Variants in LPP observed in about 807,000 individuals in gnomAD.
LPP encodes lipoma-preferred partner.
LPP carries 38 observed loss-of-function variants against 60.4 expected under a neutral mutation model. The ratio of observed to expected loss-of-function variants is 0.63; its 90% CI spans 0.49 to 0.83. The LOEUF is 0.83. Ranked by LOEUF, LPP falls within the 40% of genes least tolerant of loss-of-function variation. The probability of loss-of-function intolerance (pLI) is 0.00; values close to 1 mark genes in which losing one functional copy is unlikely to be tolerated. For synonymous variants in LPP, 328 were observed against 290.8 expected, an observed-to-expected ratio of 1.13 and a Z score of -1.30; for missense variants, 902 against 783.6, an observed-to-expected ratio of 1.15 and a Z score of -1.80.
At chr3:188,828,950 A>G (rs1421839741) in intron 9 of LPP, among the ~76,000 whole-genome samples, 1 of 152,132 alleles carries the variant, frequency 6.6e-6, no homozygotes, top group Non-Finnish European at 1.5e-5. Context: ...TGCCTCTAGT[A>G]TTACATGCTT....
chr3:188,302,675 C>T (rs1287155205), intron 2 of LPP, among the ~76,000 whole-genome samples: 1 of 152,194 alleles, frequency 6.6e-6, no homozygotes, highest in South Asian at 2.1e-4. Flanking sequence ...AGCAAACAAA[C>T]CAATGAAATG....
In LPP at chr3:188,882,579, A is replaced by G; in HGVS notation, c.*8100A>G. ...TTATTGATCCACAGCTACATCTTCT[A>G]TTCTTGCAGCAAGGGTACATGTCCT... On this transcript the variant is annotated 3_prime_UTR_variant, in exon 12 of 12. Coordinates refer to ENST00000617246, the MANE Select transcript of LPP (RefSeq NM_001375462.1). 4.5e-6 allele frequency: 1 copy of G among 221,880 alleles called. No individual in the cohort carries two copies. Among genetic ancestry groups the G allele is most frequent in the Non-Finnish European group, 9.0e-6 (1 of 110,954 alleles). The allele number at this position is 221,880 out of a possible 1,614,324, so 13.7% of individuals were successfully genotyped here. A position where few individuals can be genotyped will look rare whatever the true frequency, so the allele number is the denominator to read the frequency against.
intron 1 of LPP, among the ~76,000 whole-genome samples, chr3:188,167,265 A>G (rs767650882): frequency 2.0e-4 from 31 of 152,204 alleles, no homozygotes; most frequent in Non-Finnish European, 3.8e-4. Context: ...TGGGAGGCCG[A>G]GGCGGGCAGG....
chr3:188,206,959 G>A (rs1733397756), intron 1 of LPP, among the ~76,000 whole-genome samples: 1 of 152,038 alleles, frequency 6.6e-6, no homozygotes, highest in Non-Finnish European at 1.5e-5. Context: ...CATTGTTATC[G>A]TTGTTATGAT....
intron 2 of LPP, among the ~76,000 whole-genome samples, chr3:188,259,613 T>TG (rs1732871540): frequency 6.6e-6 from 1 of 152,202 alleles, no homozygotes; most frequent in African/African-American, 2.4e-5. Context: ...TTCTGCAGGG[T>TG]GGGGCAGCCT....
Position 188,519,100 on chromosome 3 carries a change from A to G in LPP, c.307-5565A>G, listed in dbSNP as rs532007710. The stretch of plus-strand genomic sequence containing the variant: ...CTGGGTGGGTGAAAGGTTTTTGACT[A>G]GTAGAATACTCACAGTGCCCCAAAA... On this transcript the variant is annotated intron_variant, in intron 5 of 11. Transcript: ENST00000617246. 3.9e-5 allele frequency among the ~76,000 whole-genome samples: 6 copies of G among 152,348 alleles called. No individual in the cohort carries two copies. The East Asian group carries it at 1.2e-3, about 29-fold the overall frequency.
chr3:188,261,002 G>A (rs1372674614), intron 2 of LPP, among the ~76,000 whole-genome samples: 1 of 152,140 alleles, frequency 6.6e-6, no homozygotes, highest in African/African-American at 2.4e-5. Context: ...GAACCCGGGA[G>A]GCGGAGGTTG....
intron 7 of LPP, among the ~76,000 whole-genome samples, chr3:188,701,944 C>CTTTTTTTT (rs35803152): frequency 8.5e-4 from 71 of 83,582 alleles, no homozygotes; most frequent in Non-Finnish European, 1.1e-3. Context: ...GTTTTTTTCC[C>CTTTTTTTT]TTTTTTTTTT....
Position 188,760,114 on chromosome 3 carries a change from C to G in LPP, c.1242C>G (p.Gly414=). ...MENPPADEYF[G]RCARCGENVV... ...CTTATCAAACCCTTTTTTTTCCAGGCCGCTGTGCTCGCTGTGGAGAAAACG... is the reference window on the plus strand; with the variant it reads ...CTTATCAAACCCTTTTTTTTCCAGGGCGCTGTGCTCGCTGTGGAGAAAACG... Residue 414 remains glycine, a splice_region_variant and synonymous_variant, in exon 9 of 12, where the codon GGC becomes GGG. Transcript: ENST00000617246. 1 of 1,611,040 alleles carries G rather than the reference C, an allele frequency of 6.2e-7. No individual in the cohort carries two copies. The highest frequency in any genetic ancestry group is 8.5e-7 in the Non-Finnish European group (1 of 1,179,088).
At chr3:188,685,163 G>T (rs747473957) in intron 7 of LPP, among the ~76,000 whole-genome samples, 3 of 152,188 alleles carry the variant, frequency 2.0e-5, no homozygotes, top group Admixed American at 1.3e-4. Flanking sequence ...AAGACAGTGG[G>T]CTCTGAAGTA....
chr3:188,317,921 C>T (rs972935315), intron 2 of LPP, among the ~76,000 whole-genome samples: 2 of 152,022 alleles, frequency 1.3e-5, no homozygotes, highest in African/African-American at 4.8e-5. Context: ...CGTGGAGTAC[C>T]GATCTGGAGA....
intron 6 of LPP, among the ~76,000 whole-genome samples, chr3:188,603,323 A>G (rs895770334): frequency 1.5e-4 from 22 of 147,108 alleles, no homozygotes; most frequent in Admixed American, 3.5e-4. Context: ...TAGGAAAACT[A>G]CGGATAGACT....
chr3:188,364,850 G>A (rs542316528), intron 3 of LPP, among the ~76,000 whole-genome samples: 7 of 152,282 alleles, frequency 4.6e-5, no homozygotes, highest in Admixed American at 3.3e-4. Flanking sequence ...TGTGAGTGAG[G>A]CTTTTATAGT....
At chr3:188,793,420 G>A (rs949823165) in intron 9 of LPP, among the ~76,000 whole-genome samples, 1 of 151,974 alleles carries the variant, frequency 6.6e-6, no homozygotes. Context: ...GACCTCAGGT[G>A]ATCCTCCCAC....
chr3:188,308,423 T>TA (rs997238397), intron 2 of LPP, among the ~76,000 whole-genome samples: 17 of 152,182 alleles, frequency 1.1e-4, no homozygotes, highest in African/African-American at 3.9e-4. Flanking sequence ...TGCTAGTTTT[T>TA]AAACAAAAAC....
chr3:188,404,839 C>G (rs1428317051), intron 3 of LPP, among the ~76,000 whole-genome samples: 2 of 152,142 alleles, frequency 1.3e-5, no homozygotes, highest in African/African-American at 4.8e-5. Context: ...AGGGTGCCTT[C>G]CGGGCGTCCC....
chr3:188,167,421 C>A (rs574867613), intron 1 of LPP, among the ~76,000 whole-genome samples: 18 of 152,198 alleles, frequency 1.2e-4, no homozygotes, highest in African/African-American at 4.1e-4. Context: ...TTGCTTGAAC[C>A]CAGGAGGCAG....
chr3:188,665,384 G>T (rs1330281091), intron 7 of LPP, among the ~76,000 whole-genome samples: 5 of 151,278 alleles, frequency 3.3e-5, no homozygotes, highest in African/African-American at 9.7e-5. Context: ...CTATGTGTTT[G>T]TCTGAGTAGT....
At chr3:188,521,881 T>A (rs1012656708) in intron 5 of LPP, among the ~76,000 whole-genome samples, 17 of 152,186 alleles carry the variant, frequency 1.1e-4, no homozygotes, top group African/African-American at 4.1e-4. Context: ...CAAATTTATG[T>A]CTACTATAAT....
Sources: gnomAD v4.1 joint callset for allele counts (sites outside exome capture counted in the v4.1 genomes callset) on GRCh38, gnomAD v4.1.1 for gene constraint, MANE v1.5 for transcripts, NCBI Gene and HGNC (gene_info 2026-07-23, HGNC 2026-07-21) for gene names.